PRKCQ: variants seen among roughly 807,000 people sequenced by gnomAD.
PRKCQ encodes protein kinase C theta type.
PRKCQ carries 41 observed loss-of-function variants against 91.2 expected under a neutral mutation model. The ratio of observed to expected loss-of-function variants is 0.45; its 90% CI spans 0.35 to 0.58. The LOEUF (loss-of-function observed/expected upper bound fraction) is 0.58, where lower values mean the gene tolerates loss of function less well. PRKCQ is among the 20% of genes least tolerant of loss of function. The pLI, the probability that PRKCQ is intolerant of heterozygous loss-of-function variation, is 0.00. For synonymous variants in PRKCQ, 307 were observed against 316.9 expected, an observed-to-expected ratio of 0.97 and a Z score of 0.33; for missense variants, 673 against 896.5, an observed-to-expected ratio of 0.75 and a Z score of 3.18.
At chr10:6,408,634 C>T in the PRKCQ span, among the ~76,000 whole-genome samples, 23,152 of 152,266 alleles carry the variant, frequency 0.15, 2,362 homozygotes, top group Middle Eastern at 0.23. Flanking sequence ...GGATTACAGG[C>T]GTGAGCCACT....
At chr10:6,403,168 AT>A in the PRKCQ span, among the ~76,000 whole-genome samples, 242 of 152,286 alleles carry the variant, frequency 1.6e-3, 1 homozygote, top group Non-Finnish European at 2.8e-3. Flanking sequence ...GGTCGCTCTC[AT>A]GCCTGAAGCT....
At chr10:6,488,804 G>C (rs1727046734) in intron 8 of PRKCQ, among the ~76,000 whole-genome samples, 1 of 152,268 alleles carries the variant, frequency 6.6e-6, no homozygotes, top group African/African-American at 2.4e-5. Context: ...TCTTGAGACA[G>C]GGTCTTGCTC....
At chr10:6,506,853 T>A (rs1370432895) in intron 4 of PRKCQ, among the ~76,000 whole-genome samples, 1 of 152,222 alleles carries the variant, frequency 6.6e-6, no homozygotes, top group Non-Finnish European at 1.5e-5. Context: ...TACACAGCCC[T>A]GACAGCCTGT....
intron 7 of PRKCQ, among the ~76,000 whole-genome samples, chr10:6,492,521 T>C (rs972340378): frequency 6.6e-6 from 1 of 152,138 alleles, no homozygotes; most frequent in Non-Finnish European, 1.5e-5. Context: ...GTAAGAAACT[T>C]GCCCAGGACA....
chr10:6,495,017 C>T (rs1164755980), intron 7 of PRKCQ, among the ~76,000 whole-genome samples: 3 of 152,188 alleles, frequency 2.0e-5, no homozygotes, highest in African/African-American at 4.8e-5. Context: ...GCGGCATCAT[C>T]CTTATATCCA....
At chr10:6,570,880 G>A (rs1446730390) in intron 1 of PRKCQ, among the ~76,000 whole-genome samples, 1 of 152,124 alleles carries the variant, frequency 6.6e-6, no homozygotes, top group African/African-American at 2.4e-5. Context: ...CTTTCGTTGT[G>A]AAAGAAAAGA....
chr10:6,537,484 C>T (rs180800537), intron 1 of PRKCQ, among the ~76,000 whole-genome samples: 3 of 152,130 alleles, frequency 2.0e-5, no homozygotes, highest in African/African-American at 4.8e-5. Flanking sequence ...CCTGCGGGAA[C>T]GGGAACTCAG....
chr10:6,547,956 TG>T (rs1166302141), intron 1 of PRKCQ, among the ~76,000 whole-genome samples: 2 of 149,492 alleles, frequency 1.3e-5, no homozygotes, highest in Non-Finnish European at 3.0e-5. Context: ...ACCTACAAAA[TG>T]GGAGAAAATT....
At chr10:6,570,132 A>G (rs1452800174) in intron 1 of PRKCQ, among the ~76,000 whole-genome samples, 5 of 152,308 alleles carry the variant, frequency 3.3e-5, no homozygotes, top group Non-Finnish European at 7.3e-5. Context: ...TGCTCACGGC[A>G]CATCTGGTTG....
intron 12 of PRKCQ, among the ~76,000 whole-genome samples, chr10:6,471,233 T>C (rs980345109): frequency 6.7e-6 from 1 of 148,354 alleles, no homozygotes; most frequent in Non-Finnish European, 1.5e-5. Flanking sequence ...GAGCGAAACA[T>C]GCATCTTGGT....
At chr10:6,435,267 C>T (rs1032867130) in intron 16 of PRKCQ, among the ~76,000 whole-genome samples, 4 of 152,244 alleles carry the variant, frequency 2.6e-5, no homozygotes, top group Non-Finnish European at 5.9e-5. Context: ...CTGCTGCTGT[C>T]ACAGATGCCA....
chr10:6,551,236 T>C (rs1840172591), intron 1 of PRKCQ, among the ~76,000 whole-genome samples: 1 of 152,182 alleles, frequency 6.6e-6, no homozygotes, highest in Admixed American at 6.5e-5. Context: ...CTCCCACTTA[T>C]AAGTGAGAAC....
intron 1 of PRKCQ, among the ~76,000 whole-genome samples, chr10:6,526,285 CATTCATTCAACA>C (rs1839194001): frequency 1.3e-5 from 2 of 152,192 alleles, no homozygotes; most frequent in African/African-American, 4.8e-5. Context: ...TTCACTCATT[CATTCATTCAACA>C]AACAGTTACT....
chr10:6,453,891 A>T (rs1466571820), intron 15 of PRKCQ, among the ~76,000 whole-genome samples: 1 of 151,770 alleles, frequency 6.6e-6, no homozygotes, highest in Non-Finnish European at 1.5e-5. Flanking sequence ...TGGACACAGG[A>T]AGGGGAACAT....
chr10:6,492,700 A>C (rs1016647933), intron 7 of PRKCQ, among the ~76,000 whole-genome samples: 1 of 152,228 alleles, frequency 6.6e-6, no homozygotes, highest in African/African-American at 2.4e-5. Flanking sequence ...AGTTTTCCAG[A>C]GTTTAAATCA....
chr10:6,403,308 T>G, the PRKCQ span, among the ~76,000 whole-genome samples: 1 of 152,218 alleles, frequency 6.6e-6, no homozygotes, highest in Non-Finnish European at 1.5e-5. Context: ...GCCAGTGTCT[T>G]AGTCGGAGTA....
the PRKCQ span, among the ~76,000 whole-genome samples, chr10:6,403,105 A>C: frequency 6.6e-6 from 1 of 152,168 alleles, no homozygotes; most frequent in Non-Finnish European, 1.5e-5. Flanking sequence ...TCTGCCAATC[A>C]ACATGCAGGG....
At chr10:6,441,264 TTC>T (rs1320591403) in intron 16 of PRKCQ, among the ~76,000 whole-genome samples, 1 of 152,182 alleles carries the variant, frequency 6.6e-6, no homozygotes, top group Non-Finnish European at 1.5e-5. Context: ...TGCCTCAGCC[TTC>T]TGAGTAGCTG....
intron 8 of PRKCQ, 95 bp downstream of exon 8, chr10:6,491,588 G>T: frequency 6.6e-7 from 1 of 1,507,400 alleles, no homozygotes; most frequent in Non-Finnish European, 8.9e-7. Context: ...TGTGGAAGTG[G>T]TACCCCCTAC....
Sources: gnomAD v4.1 joint callset for allele counts (sites outside exome capture counted in the v4.1 genomes callset) on GRCh38, gnomAD v4.1.1 for gene constraint, MANE v1.5 for transcripts, NCBI Gene and HGNC (gene_info 2026-07-23, HGNC 2026-07-21) for gene names.